The following ASCC2 variants were observed in gnomAD, a reference collection of about 807,000 sequenced individuals.
ASCC2 encodes the protein ASC-1 complex subunit P100.
ASCC2 carries 42 observed loss-of-function variants against 93.5 expected under a neutral mutation model. The observed-to-expected ratio is 0.45, with a 90% confidence interval of 0.35 to 0.58. ASCC2 has a LOEUF of 0.58. Ranked by LOEUF, ASCC2 falls within the 20% of genes least tolerant of loss-of-function variation. ASCC2 has a pLI of 0.00. For synonymous variants in ASCC2, 364 were observed against 384.2 expected, an observed-to-expected ratio of 0.95 and a Z score of 0.62; for missense variants, 859 against 977.6, an observed-to-expected ratio of 0.88 and a Z score of 1.62.
At position 29,822,571 on chromosome 22, in the gene ASCC2, T is replaced by C. The variant is rs1405766529; in HGVS notation, c.412-107A>G. 31 of 1,354,632 alleles carry C rather than the reference T, an allele frequency of 2.3e-5. No individual in the cohort carries two copies. The East Asian group carries it at 7.4e-4, about 32-fold the overall frequency. The allele number at this position is 1,354,632 out of a possible 1,614,324, so 83.9% of individuals were successfully genotyped here. On this transcript the variant is annotated intron_variant, in intron 4 of 19. Transcript: ENST00000307790. ...TTTGGTTCCATCAAATGGGGACTGG[T>C]TAATGATGCCTTATGCATAGACCTG...
At chr22:29,823,920 GT>G in intron 4 of ASCC2, among the ~76,000 whole-genome samples, 1 of 152,212 alleles carries the variant, frequency 6.6e-6, no homozygotes, top group East Asian at 1.9e-4. Flanking sequence ...GTCAGGTGTG[GT>G]GGCTAGTGCC....
At chr22:29,797,770 A>G (rs2058608616) in intron 15 of ASCC2, among the ~76,000 whole-genome samples, 1 of 152,136 alleles carries the variant, frequency 6.6e-6, no homozygotes, top group Non-Finnish European at 1.5e-5. Context: ...AATTTTAATT[A>G]TTATTATTTT....
At chr22:29,823,544 T>C (rs965827290) in intron 4 of ASCC2, among the ~76,000 whole-genome samples, 4 of 152,202 alleles carry the variant, frequency 2.6e-5, no homozygotes, top group African/African-American at 9.6e-5. Flanking sequence ...CTGTACTTTG[T>C]ATATGAAAAT....
intron 7 of ASCC2, among the ~76,000 whole-genome samples, chr22:29,813,790 G>A (rs567576420): frequency 3.9e-5 from 6 of 152,108 alleles, no homozygotes; most frequent in Non-Finnish European, 8.8e-5. Flanking sequence ...TCACCGCTAG[G>A]GTTACTTCCA....
intron 1 of ASCC2, among the ~76,000 whole-genome samples, chr22:29,832,955 T>C (rs1469689396): frequency 6.6e-6 from 1 of 152,132 alleles, no homozygotes; most frequent in Non-Finnish European, 1.5e-5. Flanking sequence ...ATAGATGAGT[T>C]CTTACTACAT....
At chr22:29,828,311 CA>C (rs2062710633) in intron 2 of ASCC2, among the ~76,000 whole-genome samples, 1 of 152,154 alleles carries the variant, frequency 6.6e-6, no homozygotes, top group African/African-American at 2.4e-5. Context: ...TGAAAGCTGC[CA>C]CTCATTGTGG....
At position 29,814,708 on chromosome 22, in the gene ASCC2, G is replaced by C; in HGVS notation, c.669C>G (p.Pro223=). 6.2e-7 allele frequency: 1 copy of C among 1,608,052 alleles called. No homozygotes were observed. Among genetic ancestry groups the C allele is most frequent in the South Asian group, 1.1e-5 (1 of 89,832 alleles). ...ATCGGCCCCTCTCCTCAAGCTTCTG[G>C]GGTGTGGTATTGGCCCCGTCCCCTT... The part of the protein sequence containing the change: ...GLQGDGANTT[P]QKLEERGRLT... Residue 223 remains proline (P), a synonymous_variant, in exon 7 of 20, where the codon CCC becomes CCG. Transcript: ENST00000307790.
At chr22:29,789,799 A>G (rs1461039921) in intron 19 of ASCC2, among the ~76,000 whole-genome samples, 1 of 152,200 alleles carries the variant, frequency 6.6e-6, no homozygotes, top group African/African-American at 2.4e-5. Flanking sequence ...ACAGTGCTGC[A>G]TGAAGCCTAG....
At chr22:29,808,804 T>A (rs1200313745) in intron 8 of ASCC2, among the ~76,000 whole-genome samples, 6 of 134,634 alleles carry the variant, frequency 4.5e-5, no homozygotes, top group Non-Finnish European at 9.2e-5. Context: ...AGTGAGACCC[T>A]ATCTCAAAAA....
intron 1 of ASCC2, 151 bp from the exon 2 acceptor site, chr22:29,832,493 T>C: frequency 1.8e-6 from 1 of 566,310 alleles, no homozygotes; most frequent in Non-Finnish European, 3.1e-6. Flanking sequence ...TTCATGCACC[T>C]ACTAACCCAG....
Position 29,829,518 on chromosome 22 carries a change from C to T in ASCC2, c.81+2727G>A, listed in dbSNP as rs143071981. Among the ~76,000 whole-genome samples, 1,233 of 151,960 alleles carry T rather than the reference C, an allele frequency of 8.1e-3. 17 individuals are homozygous for T. Among genetic ancestry groups the T allele is most frequent in the African/African-American group, 0.028 (1,161 of 41,464 alleles). On this transcript the variant is annotated intron_variant, in intron 2 of 19. Transcript: ENST00000307790. ...CGGGCGGATCACAAGGTCAGGAGTT[C>T]GAGACTAGCCTGGCCAACATGGTGA...
chr22:29,822,570 G>T, intron 4 of ASCC2, 106 bp from the exon 5 acceptor site: 2 of 1,345,804 alleles, frequency 1.5e-6, no homozygotes, highest in Non-Finnish European at 2.0e-6. Context: ...ATGGGGACTG[G>T]TTAATGATGC....
At chr22:29,819,291 G>C (rs886375734) in intron 5 of ASCC2, among the ~76,000 whole-genome samples, 1 of 152,110 alleles carries the variant, frequency 6.6e-6, no homozygotes, top group Non-Finnish European at 1.5e-5. Flanking sequence ...CTCCCAACTA[G>C]TTGGGATTAC....
In ASCC2 at chr22:29,789,070, G is replaced by A. The variant is rs1313313975; in HGVS notation, c.2217C>T (p.Asn739=). Residue 739 remains asparagine (N), a synonymous_variant, in exon 20 of 20, where the codon AAC becomes AAT. Coordinates refer to ENST00000307790, the MANE Select transcript of ASCC2 (RefSeq NM_032204.5). ...KKEANKATRA[N]HNRRTMADRK... Reference sequence around the variant, plus strand: ...GGTCGGCCATGGTTCTCCGGTTGTGGTTGGCTCTTGTCGCCTTGTTGGCTT... The same window carrying A: ...GGTCGGCCATGGTTCTCCGGTTGTGATTGGCTCTTGTCGCCTTGTTGGCTT... The A allele has an allele frequency of 6.2e-7, 1 of 1,614,172 alleles. No individual in the cohort carries two copies.
rs1601890543 is a variant in ASCC2 at position 29,802,148 on chromosome 22, TGA to T, written c.1412_1413del (p.Leu471HisfsTer13). ...GGCAGCAGGTCCTTCACTTGGGAGA[TGA>T]GAGAGTCCAGTTCCACCCCACACAT... ...PAMCGVELDS[L>X]ISQVKDLLPD... On this transcript the variant is annotated frameshift_variant, in exon 14 of 20. Coordinates refer to ENST00000307790, the MANE Select transcript of ASCC2 (RefSeq NM_032204.5). LOFTEE classifies it high-confidence loss of function. The T allele has an allele frequency of 1.9e-6, 3 of 1,614,204 alleles. No homozygotes were observed. The highest frequency in any genetic ancestry group is 2.5e-6 in the Non-Finnish European group (3 of 1,180,034).
rs2057820705 is a variant in ASCC2 at position 29,792,029 on chromosome 22, A to T, written c.2022+404T>A. On this transcript the variant is annotated intron_variant, in intron 18 of 19. Transcript: ENST00000307790. ...TAGTTAAGATTTCATTCAAATAAAA[A>T]GTTTAGCTGCTAAAAAGTAGAATTT... Among the ~76,000 whole-genome samples, 3 of 152,214 alleles carry T rather than the reference A, an allele frequency of 2.0e-5. No individual in the cohort carries two copies. In the South Asian group the frequency reaches 6.2e-4, roughly 32 times the overall value.
chr22:29,831,737 T>C (rs183792866), intron 2 of ASCC2, among the ~76,000 whole-genome samples: 11 of 152,324 alleles, frequency 7.2e-5, no homozygotes, highest in Non-Finnish European at 1.3e-4. Flanking sequence ...AATCGACATG[T>C]TCATAGCCTC....
In ASCC2 at chr22:29,825,810, G is replaced by A. The variant is rs772708415; in HGVS notation, c.82-30C>T. 2 of 1,584,788 alleles carry A rather than the reference G, an allele frequency of 1.3e-6. No individual in the cohort carries two copies. The highest frequency in any genetic ancestry group is 1.7e-5 in the Admixed American group (1 of 57,276). On this transcript the variant is annotated intron_variant, in intron 2 of 19. Transcript: ENST00000307790. This position sits in a 1 kb window ranked among gnomAD's most constrained non-coding sequence, Gnocchi z 4.9. The stretch of plus-strand genomic sequence containing the variant: ...GGATCCAAAAACCACGTGTTAACGT[G>A]GCAGAGGTTAGTCAGCGAGGGCCCA...
At chr22:29,835,288 C>T (rs1422756576) in intron 1 of ASCC2, among the ~76,000 whole-genome samples, 1 of 151,892 alleles carries the variant, frequency 6.6e-6, no homozygotes, top group Non-Finnish European at 1.5e-5. Context: ...GTCCCAGCTA[C>T]TTAGGAGGCT....
Sources: allele counts gnomAD v4.1 joint callset (sites outside exome capture counted in the v4.1 genomes callset), GRCh38; gene constraint gnomAD v4.1.1; non-coding constraint Gnocchi (gnomAD v3.1); transcripts MANE v1.5; gene names NCBI Gene and HGNC (gene_info 2026-07-23, HGNC 2026-07-21).